Variants in SON observed in about 807,000 individuals in gnomAD.
SON encodes the protein protein SON.
In SON, 4 loss-of-function variants were observed where a neutral mutation model predicts 173.3. The observed-to-expected ratio is 0.02, with a 90% CI of 0.01 to 0.05. The LOEUF is 0.05. SON is among the 10% of genes least tolerant of loss of function. The pLI is 1.00. For missense variants in SON, 2,626 were observed against 3,055.3 expected (o/e 0.86, Z 3.31); for synonymous variants, 1,190 against 1,105.9 (o/e 1.08, Z -1.51).
intron 8 of SON, chr21:33,571,864 A>G (rs943044842): frequency 1.3e-5 from 2 of 152,562 alleles, no homozygotes; most frequent in Non-Finnish European, 2.9e-5. Flanking sequence ...TTATACATCT[A>G]CACTGCATGG....
At chr21:33,575,139 G>C (rs570966046) in intron 9 of SON, among the ~76,000 whole-genome samples, 113 of 151,974 alleles carry the variant, frequency 7.4e-4, no homozygotes, top group Non-Finnish European at 1.4e-3. Context: ...AGGTTCAAGC[G>C]ATTCTCCTGC....
Position 33,554,259 on chromosome 21 carries a change from T to G in SON, c.5028T>G (p.Ser1676Arg), listed in dbSNP as rs1262438903. 6.2e-7 allele frequency: 1 copy of G among 1,614,040 alleles called. No homozygotes were observed. The highest frequency in any genetic ancestry group is 1.7e-5 in the Admixed American group (1 of 60,018). ...TACCATCTAATAATAACCTTGTTAGTAAGGATACAGAAGAACCATTACCTG... is the reference window on the plus strand; with the variant it reads ...TACCATCTAATAATAACCTTGTTAGGAAGGATACAGAAGAACCATTACCTG... The part of the protein sequence containing the change: ...LDLPSNNNLV[S>R]KDTEEPLPVK... The change falls in exon 3 of 12, where the codon AGT (serine) becomes AGG (arginine). Residue 1676 changes from serine (S) to arginine (R), a missense_variant. Around this residue, in one of 13 missense-constraint regions of SON, gnomAD observed 1,006 missense variants for 895.6 expected, o/e 1.12. Coordinates refer to ENST00000356577, the MANE Select transcript of SON (RefSeq NM_138927.4).
intron 1 of SON, among the ~76,000 whole-genome samples, chr21:33,543,831 A>T (rs1337633870): frequency 6.6e-6 from 1 of 152,230 alleles, no homozygotes; most frequent in Non-Finnish European, 1.5e-5. Context: ...TAATTACAGC[A>T]AGTGAAAGTG....
intron 1 of SON, among the ~76,000 whole-genome samples, chr21:33,545,177 C>G (rs183590031): frequency 1.3e-5 from 2 of 152,096 alleles, no homozygotes; most frequent in African/African-American, 4.8e-5. Flanking sequence ...TAAGTTTCTT[C>G]ATTTATAAAA....
chr21:33,557,710 G>C, intron 4 of SON: 2 of 1,433,322 alleles, frequency 1.4e-6, no homozygotes, highest in Non-Finnish European at 1.8e-6. Flanking sequence ...ACAATCTTCA[G>C]AAATGATCTT....
intron 6 of SON, chr21:33,560,245 C>T (rs923455305): frequency 2.0e-6 from 3 of 1,490,706 alleles, no homozygotes; most frequent in African/African-American, 2.8e-5. Flanking sequence ...GTACATAGCC[C>T]ATTGCCCTTA....
Position 33,553,384 on chromosome 21 carries a change from G to A in SON, c.4153G>A (p.Glu1385Lys). 6.2e-7 allele frequency: 1 copy of A among 1,613,728 alleles called. No individual in the cohort carries two copies. Among genetic ancestry groups the A allele is most frequent in the South Asian group, 1.1e-5 (1 of 91,034 alleles). Reference sequence around the variant, plus strand: ...GGAGTCTTCGACTGTAACTGTCCTGGAGCCTTCGGTTGTGACTGTCCCGGA... The same window carrying A: ...GGAGTCTTCGACTGTAACTGTCCTGAAGCCTTCGGTTGTGACTGTCCCGGA... ...VLESSTVTVL[E>K]PSVVTVPEPP... Residue 1385 changes from glutamate to lysine, a missense_variant, in exon 3 of 12, where the codon GAG becomes AAG. Around this residue, in one of 13 missense-constraint regions of SON, gnomAD observed 1,006 missense variants for 895.6 expected, o/e 1.12. Transcript: ENST00000356577.
Position 33,550,494 on chromosome 21 carries a change from T to A in SON, c.1263T>A (p.Ser421=), listed in dbSNP as rs549422866. The part of the protein sequence containing the change: ...TPVPELPGPL[S]TPVPELPGPP... ...TGCCAGAGTTGCCAGGGCCCCTTTC[T>A]ACCCCAGTGCCTGAGTTGCCAGGGC... The change falls in exon 3 of 12, where the codon TCT becomes TCA. Residue 421 remains serine (S), a synonymous_variant. Transcript: ENST00000356577. 1 of 1,612,740 alleles carries A rather than the reference T, an allele frequency of 6.2e-7. No individual in the cohort carries two copies. Among genetic ancestry groups the A allele is most frequent in the Non-Finnish European group, 8.5e-7 (1 of 1,179,510 alleles).
At chr21:33,547,204 G>C (rs1035839998) in intron 2 of SON, among the ~76,000 whole-genome samples, 3 of 151,846 alleles carry the variant, frequency 2.0e-5, no homozygotes, top group Non-Finnish European at 2.9e-5. Context: ...GTCTGGTCTC[G>C]ATCTCTTGAC....
intron 8 of SON, chr21:33,569,619 T>C (rs954344011): frequency 2.2e-6 from 1 of 463,968 alleles, no homozygotes; most frequent in African/African-American, 2.0e-5. Context: ...CGTTCCTCAC[T>C]CCTCTTGTGA....
At chr21:33,562,254 T>C (rs1316328758) in intron 6 of SON, among the ~76,000 whole-genome samples, 1 of 152,220 alleles carries the variant, frequency 6.6e-6, no homozygotes, top group African/African-American at 2.4e-5. Context: ...TGAAATACTT[T>C]TGGTAACACT....
rs754157856 is a variant in SON, at chr21:33,553,209, T to C, written c.3978T>C (p.Ser1326=). 1.3e-5 allele frequency: 21 copies of C among 1,614,176 alleles called. No homozygotes were observed. The South Asian group carries it at 2.3e-4, about 18-fold the overall frequency. Residue 1326 remains serine (S), a synonymous_variant, in exon 3 of 12, where the codon TCT becomes TCC. Coordinates refer to ENST00000356577, the MANE Select transcript of SON (RefSeq NM_138927.4). ...CAGGACATGTTGCCTCAGAAGTATC[T>C]ACATCCTTGTTGGTTCCAGCAGTAA... ...RASGHVASEV[S]TSLLVPAVTT... is the part of the protein sequence containing the mutation.
At chr21:33,567,430 G>C in intron 7 of SON, 163 bp downstream of exon 7, 1 of 596,952 alleles carries the variant, frequency 1.7e-6, no homozygotes, top group East Asian at 2.8e-5. Flanking sequence ...GTGATTCGAG[G>C]CCTGATCATT....
intron 4 of SON, 184 bp downstream of exon 4, chr21:33,557,500 A>T: frequency 6.4e-7 from 1 of 1,551,024 alleles, no homozygotes; most frequent in Non-Finnish European, 8.7e-7. Flanking sequence ...CGGGATGGCT[A>T]AGCTCCGCTA....
At chr21:33,576,286 C>G in intron 11 of SON, 79 bp from the exon 12 acceptor site, 2 of 769,950 alleles carry the variant, frequency 2.6e-6, no homozygotes, top group Non-Finnish European at 4.7e-6. Context: ...AATTATTTTT[C>G]TAGCATTTAG....
chr21:33,550,132 G>A lies in SON; in HGVS notation c.901G>A (p.Glu301Lys). ...LVEPPVAKVL[E>K]PSETLVVSSE... ...AGAGCCCCCAGTAGCAAAAGTGTTA[G>A]AGCCTTCAGAAACCCTTGTGGTATC... is the stretch of plus-strand genomic sequence containing the variant. Residue 301 changes from glutamate to lysine, a missense_variant, in exon 3 of 12, where the codon GAG (glutamate) becomes AAG (lysine). This residue lies in a region of SON where 757 missense variants were observed against 730.1 expected (regional missense o/e 1.04). Coordinates refer to ENST00000356577, the MANE Select transcript of SON (RefSeq NM_138927.4). The A allele has an allele frequency of 1.2e-6, 2 of 1,614,196 alleles. No homozygotes were observed.
In SON at chr21:33,551,991, T is replaced by G. The variant is rs910213937; in HGVS notation, c.2760T>G (p.Pro920=). The change falls in exon 3 of 12, where the codon CCT becomes CCG. Residue 920 remains proline, a synonymous_variant. Transcript: ENST00000356577. ...ATCCCTATAGGTTAGCTCAGGATCC[T>G]TACAGGTTAGCTCAGGATCCCTATA... is the stretch of plus-strand genomic sequence containing the variant. ...SPDPYRLAQD[P]YRLAQDPYRL... 2 of 1,613,844 alleles carry G rather than the reference T, an allele frequency of 1.2e-6. No individual in the cohort carries two copies. The highest frequency in any genetic ancestry group is 1.7e-6 in the Non-Finnish European group (2 of 1,179,856).
At chr21:33,557,711 A>ACAC in intron 4 of SON, 1 of 1,434,120 alleles carries the variant, frequency 7.0e-7, no homozygotes, top group Non-Finnish European at 9.1e-7. Flanking sequence ...CAATCTTCAG[A>ACAC]AATGATCTTT....
chr21:33,550,500 A>G lies in SON; in HGVS notation c.1269A>G (p.Pro423=), dbSNP rs1276110096. The G allele has an allele frequency of 1.3e-5, 21 of 1,613,348 alleles. No homozygotes were observed. Among genetic ancestry groups the G allele is most frequent in the African/African-American group, 5.4e-5 (4 of 74,740 alleles). The change falls in exon 3 of 12, where the codon CCA becomes CCG. Residue 423 remains proline, a synonymous_variant. Transcript: ENST00000356577. ...AGTTGCCAGGGCCCCTTTCTACCCC[A>G]GTGCCTGAGTTGCCAGGGCCCCCTG... The part of the protein sequence containing the change: ...VPELPGPLST[P]VPELPGPPAT...
Sources: allele counts gnomAD v4.1 joint callset (sites outside exome capture counted in the v4.1 genomes callset), GRCh38; gene constraint gnomAD v4.1.1; regional missense constraint gnomAD v4.1.1; transcripts MANE v1.5; gene names NCBI Gene and HGNC (gene_info 2026-07-23, HGNC 2026-07-21).